Variants in PTPRD observed in about 807,000 individuals in gnomAD.
The protein encoded by PTPRD is receptor-type tyrosine-protein phosphatase delta.
A neutral mutation model predicts 214.5 loss-of-function variants in PTPRD; 34 were observed. The ratio of observed to expected loss-of-function variants is 0.16; its 90% CI spans 0.12 to 0.21. PTPRD has a LOEUF of 0.21. Among genes scored for constraint, PTPRD ranks in the 10% least tolerant of loss-of-function variants. PTPRD has a pLI of 1.00. For synonymous variants in PTPRD, 1,128 were observed against 845.7 expected (o/e 1.33, Z -5.79); for missense variants, 2,545 against 2,398.7 (o/e 1.06, Z -1.27).
chr9:9,098,374 A>T (rs1207165366), intron 10 of PTPRD, among the ~76,000 whole-genome samples: 4 of 152,050 alleles, frequency 2.6e-5, no homozygotes, highest in African/African-American at 9.7e-5. Flanking sequence ...CTCCTGCCTC[A>T]GCCTTCCAAG....
intron 5 of PTPRD, chr9:9,800,525 T>G (rs1003054107): frequency 3.9e-5 from 6 of 152,176 alleles, no homozygotes; most frequent in African/African-American, 1.4e-4. Context: ...CCTTTAATGA[T>G]TTATAACTAA....
intron 4 of PTPRD, among the ~76,000 whole-genome samples, chr9:10,000,745 TA>T (rs751902753): frequency 5.9e-5 from 9 of 152,332 alleles, no homozygotes; most frequent in East Asian, 5.8e-4. Flanking sequence ...TGCTGGTGAT[TA>T]GAAACTAGGT....
chr9:10,219,437 G>A (rs969227343), intron 3 of PTPRD, among the ~76,000 whole-genome samples: 2 of 151,720 alleles, frequency 1.3e-5, no homozygotes, highest in Non-Finnish European at 2.9e-5. Context: ...TATTCATGCT[G>A]AAATCACTGG....
intron 27 of PTPRD, among the ~76,000 whole-genome samples, chr9:8,490,564 A>C (rs1273644631): frequency 6.6e-6 from 1 of 152,246 alleles, no homozygotes; most frequent in Non-Finnish European, 1.5e-5. Flanking sequence ...AAATATACAG[A>C]AAATGTCAAA....
At position 8,741,247 on chromosome 9, in the gene PTPRD, T is replaced by A. The variant is rs565248713; in HGVS notation, c.-103-7301A>T. ...CCTCATCTCCCTTTGTATCTATTGT[T>A]CCCCTACAAATAGAACTATAATTCT... On this transcript the variant is annotated intron_variant, in intron 11 of 45. Coordinates refer to ENST00000381196, the MANE Select transcript of PTPRD (RefSeq NM_002839.4). Among the ~76,000 whole-genome samples the A allele has an allele frequency of 6.2e-4, 95 of 152,294 alleles. 2 individuals are homozygous for A. Among genetic ancestry groups the A allele is most frequent in the African/African-American group, 2.3e-3 (94 of 41,580 alleles).
intron 15 of PTPRD, chr9:8,528,289 A>C (rs1468022520): frequency 2.3e-6 from 1 of 436,648 alleles, no homozygotes; most frequent in Non-Finnish European, 4.0e-6. Context: ...AGAGGAGAAA[A>C]TGGATCCATC....
At chr9:9,193,381 T>A (rs2099936419) in intron 9 of PTPRD, among the ~76,000 whole-genome samples, 1 of 152,180 alleles carries the variant, frequency 6.6e-6, no homozygotes, top group South Asian at 2.1e-4. Flanking sequence ...AATCTTCTCC[T>A]GTTTTGTAAA....
chr9:9,265,643 GAAAT>G (rs1311652081), intron 9 of PTPRD, among the ~76,000 whole-genome samples: 1 of 151,386 alleles, frequency 6.6e-6, no homozygotes, highest in African/African-American at 2.4e-5. Flanking sequence ...TTATCAACTT[GAAAT>G]AGATCGGTCT....
chr9:9,499,452 C>G (rs952038131), intron 8 of PTPRD, among the ~76,000 whole-genome samples: 2 of 152,000 alleles, frequency 1.3e-5, no homozygotes, highest in African/African-American at 4.8e-5. Flanking sequence ...AAATGGAAAT[C>G]TATTGTTATT....
chr9:10,561,632 T>C (rs1465932026), intron 2 of PTPRD, among the ~76,000 whole-genome samples: 1 of 152,114 alleles, frequency 6.6e-6, no homozygotes, highest in Non-Finnish European at 1.5e-5. Context: ...GGTGATTCAG[T>C]TCAAAGTGCA....
chr9:9,619,517 ATATAT>A (rs1020018784), intron 7 of PTPRD, among the ~76,000 whole-genome samples: 185 of 146,722 alleles, frequency 1.3e-3, no homozygotes, highest in Admixed American at 2.1e-3. Context: ...TATAAATATA[ATATAT>A]AAATGACTAT....
intron 10 of PTPRD, among the ~76,000 whole-genome samples, chr9:9,060,513 A>G (rs1391266501): frequency 3.3e-5 from 5 of 152,160 alleles, no homozygotes; most frequent in African/African-American, 4.8e-5. Flanking sequence ...GATACTAATT[A>G]TGTTGTAGTA....
At chr9:9,350,369 G>C (rs904842422) in intron 9 of PTPRD, among the ~76,000 whole-genome samples, 1 of 151,878 alleles carries the variant, frequency 6.6e-6, no homozygotes, top group Non-Finnish European at 1.5e-5. Flanking sequence ...CTTTATTTTT[G>C]GACAAATGGA....
chr9:9,204,920 C>A (rs942624560), intron 9 of PTPRD, among the ~76,000 whole-genome samples: 1 of 151,976 alleles, frequency 6.6e-6, no homozygotes, highest in Non-Finnish European at 1.5e-5. Flanking sequence ...CTTATTGTTC[C>A]TGGAGTTAGG....
chr9:10,151,863 C>T (rs2099063301), intron 3 of PTPRD, among the ~76,000 whole-genome samples: 1 of 152,162 alleles, frequency 6.6e-6, no homozygotes, highest in South Asian at 2.1e-4. Flanking sequence ...TAGCATAATG[C>T]ATTTGAAATC....
At chr9:8,623,593 G>C (rs948152761) in intron 14 of PTPRD, among the ~76,000 whole-genome samples, 1 of 151,864 alleles carries the variant, frequency 6.6e-6, no homozygotes, top group Non-Finnish European at 1.5e-5. Flanking sequence ...AGTAATACTA[G>C]TGATGATAAT....
intron 5 of PTPRD, among the ~76,000 whole-genome samples, chr9:9,773,987 A>T (rs1466597265): frequency 6.6e-6 from 1 of 152,214 alleles, no homozygotes; most frequent in Non-Finnish European, 1.5e-5. Context: ...AGAGGAGTGA[A>T]GTGTTAATCT....
At chr9:8,399,303 G>C (rs904665971) in intron 36 of PTPRD, among the ~76,000 whole-genome samples, 4 of 152,066 alleles carry the variant, frequency 2.6e-5, no homozygotes, top group Non-Finnish European at 5.9e-5. Flanking sequence ...TGGAGAATGG[G>C]CTTGCAAAGA....
intron 7 of PTPRD, among the ~76,000 whole-genome samples, chr9:9,582,285 G>A (rs1395768165): frequency 1.3e-5 from 2 of 152,248 alleles, no homozygotes; most frequent in East Asian, 1.9e-4. Flanking sequence ...AACAGTGTCA[G>A]TGAATGTTAA....
Sources: gnomAD v4.1 joint callset for allele counts (sites outside exome capture counted in the v4.1 genomes callset) on GRCh38, gnomAD v4.1.1 for gene constraint, MANE v1.5 for transcripts, NCBI Gene and HGNC (gene_info 2026-07-23, HGNC 2026-07-21) for gene names.